HMX1: variants seen among roughly 807,000 people sequenced by gnomAD.
HMX1 encodes homeobox protein HMX1.
Under a neutral mutation model 8.9 loss-of-function variants are expected in HMX1, and 8 were observed. The observed-to-expected ratio is 0.90, with a 90% confidence interval of 0.53 to 1.63. HMX1 has a LOEUF of 1.63. Among genes scored for constraint, HMX1 ranks in the 40% most tolerant of loss-of-function variants. The probability of loss-of-function intolerance (pLI) is 0.00; values close to 1 mark genes in which losing one functional copy is unlikely to be tolerated. For missense variants in HMX1, 621 were observed against 558.5 expected (o/e 1.11, Z -1.13); for synonymous variants, 311 against 283.4 (o/e 1.10, Z -0.98).
At chr4:8,862,070 G>A (rs1437633570), downstream of HMX1, among the ~76,000 whole-genome samples, 2 of 152,246 alleles carry the variant, frequency 1.3e-5, no homozygotes, top group Non-Finnish European at 1.5e-5. Context: ...GCGACGCCCC[G>A]GCGCCAGGTG....
intron 1 of HMX1, among the ~76,000 whole-genome samples, chr4:8,857,428 T>G (rs1374583469): frequency 1.3e-5 from 2 of 152,116 alleles, no homozygotes; most frequent in African/African-American, 4.8e-5. Flanking sequence ...CGCTTTCTCC[T>G]TCCTCCTTCC....
Position 8,871,323 on chromosome 4 carries a change from G to T in HMX1, c.292C>A (p.Pro98Thr). 7.4e-7 allele frequency: 1 copy of T among 1,343,596 alleles called. No individual in the cohort carries two copies. The highest frequency in any genetic ancestry group is 9.5e-7 in the Non-Finnish European group (1 of 1,054,894). 83.2% of individuals were successfully genotyped at this position (1,343,596 alleles called of 1,614,324 possible). A position where few individuals can be genotyped will look rare whatever the true frequency, so the allele number is the denominator to read the frequency against. ...AAGGGCGGCCCGGGACCGGGGGGCGGCCGAGGACCGAGGCCCAGCGCGCCC... is the reference window on the plus strand; with the variant it reads ...AAGGGCGGCCCGGGACCGGGGGGCGTCCGAGGACCGAGGCCCAGCGCGCCC... ...GPGALGLGPR[P>T]PPGPGPPFAL... The change falls in exon 1 of 2, where the codon CCG (proline) becomes ACG (threonine). Residue 98 changes from proline to threonine, a missense_variant. Transcript: ENST00000400677. This position sits in a 1 kb window ranked among gnomAD's most constrained non-coding sequence, Gnocchi z 4.8.
intron 1 of HMX1, among the ~76,000 whole-genome samples, chr4:8,861,757 C>T (rs1167638549): frequency 1.3e-5 from 2 of 152,246 alleles, no homozygotes; most frequent in Admixed American, 6.5e-5. Context: ...CTGTCTGGAC[C>T]CTCAGAGCCC....
Position 8,848,004 on chromosome 4 carries a change from C to T in HMX1, c.395-1680G>A, listed in dbSNP as rs1363015409. Among the ~76,000 whole-genome samples the T allele has an allele frequency of 2.0e-5, 3 of 152,102 alleles. No individual in the cohort carries two copies. The highest frequency in any genetic ancestry group is 2.1e-4 in the South Asian group (1 of 4,814). On this transcript the variant is annotated intron_variant, in intron 1 of 1. Coordinates refer to the HMX1 transcript ENST00000506970. This position sits in a 1 kb window ranked among gnomAD's most constrained non-coding sequence, Gnocchi z 4.1. Reference sequence around the variant, plus strand: ...GGTCCAGGGTGACATCTGAGCTCAGCGAACCGAATTTTGAATCTAAAACTC... The same window carrying T: ...GGTCCAGGGTGACATCTGAGCTCAGTGAACCGAATTTTGAATCTAAAACTC...
chr4:8,846,839 C>T (rs1184723033), intron 1 of HMX1, among the ~76,000 whole-genome samples: 4 of 152,236 alleles, frequency 2.6e-5, no homozygotes, highest in Non-Finnish European at 5.9e-5. Context: ...TCTCCTCCTA[C>T]AGGCAGTCTT....
In HMX1 at chr4:8,853,331, C is replaced by A. The variant is rs560022441; in HGVS notation, c.395-7007G>T. On this transcript the variant is annotated intron_variant, in intron 1 of 1. Transcript: ENST00000506970. The surrounding 1 kb of genome is among the most constrained non-coding windows in gnomAD (Gnocchi z 4.7). ...CTTTGCTGTAACTAAATTGTCCTCA[C>A]CTGACCATCACAGCCCCATTCCAGG... 4.1e-4 allele frequency among the ~76,000 whole-genome samples: 63 copies of A among 152,290 alleles called. No homozygotes were observed. Among genetic ancestry groups the A allele is most frequent in the African/African-American group, 1.5e-3 (62 of 41,548 alleles).
chr4:8,863,526 C>CACCT, downstream of HMX1, among the ~76,000 whole-genome samples: 1 of 152,376 alleles, frequency 6.6e-6, no homozygotes, highest in East Asian at 1.9e-4. Context: ...CCCTCCCCTG[C>CACCT]ACCTGATGAG....
At chr4:8,855,626 C>G (rs28570589) in intron 1 of HMX1, among the ~76,000 whole-genome samples, 7,932 of 152,216 alleles carry the variant, frequency 0.052, 702 homozygotes, top group African/African-American at 0.18. Flanking sequence ...GTCAAGGATT[C>G]ACCCTCCAGG....
chr4:8,850,013 C>T (rs759605019), intron 1 of HMX1, among the ~76,000 whole-genome samples: 5 of 152,150 alleles, frequency 3.3e-5, no homozygotes, highest in Non-Finnish European at 7.4e-5. Flanking sequence ...TCCCACAGCC[C>T]CACAACCCCC....
chr4:8,847,539 C>T lies in HMX1; in HGVS notation c.395-1215G>A, dbSNP rs571790777. ...GCACAACTCCTGTCCCGAGAGCAGG[C>T]GGACCTGAAGGAACATCGGCCAGAC... On this transcript the variant is annotated intron_variant, in intron 1 of 1. Coordinates refer to the HMX1 transcript ENST00000506970. The surrounding 1 kb of genome is among the most constrained non-coding windows in gnomAD (Gnocchi z 6.0). 3.3e-5 allele frequency among the ~76,000 whole-genome samples: 5 copies of T among 152,302 alleles called. No individual in the cohort carries two copies. Among genetic ancestry groups the T allele is most frequent in the South Asian group, 2.1e-4 (1 of 4,824 alleles).
rs61745347 is a variant in HMX1 at position 8,871,251 on chromosome 4, C to T, written c.364G>A (p.Gly122Ser). The change falls in exon 1 of 2, where the codon GGT becomes AGT. Residue 122 changes from glycine (G) to serine (S), a missense_variant. By Grantham distance (56) the Gly-to-Ser change is moderately conservative. Coordinates refer to ENST00000400677, the MANE Select transcript of HMX1 (RefSeq NM_018942.3). The surrounding 1 kb of genome is among the most constrained non-coding windows in gnomAD (Gnocchi z 4.8). ...GGACTGAGGCCGCCTCCATAGCCAC[C>T]GTGCGCCCGTGGGTACCAGCGCGCT... ...GAARWYPRAH[G>S]GYGGGLSPDT... is the part of the protein sequence containing the mutation. 0.084 allele frequency: 124,045 copies of T among 1,485,148 alleles called. 6,242 individuals carry two copies. Among genetic ancestry groups the T allele is most frequent in the African/African-American group, 0.23 (15,491 of 68,332 alleles). 92.0% of individuals were successfully genotyped at this position (1,485,148 alleles called of 1,614,324 possible). A position where few individuals can be genotyped will look rare whatever the true frequency, so the allele number is the denominator to read the frequency against.
Position 8,871,128 on chromosome 4 carries a change from A to G in HMX1, c.394+93T>C, listed in dbSNP as rs998535640. ...CACAGAAGGGAGAGGATGGCCCAGA[A>G]CGGGCGGCGACGAGCCCGAAGTCCC... On this transcript the variant is annotated intron_variant, in intron 1 of 1. Transcript: ENST00000400677. The surrounding 1 kb of genome is among the most constrained non-coding windows in gnomAD (Gnocchi z 4.8). 5.4e-5 allele frequency: 65 copies of G among 1,208,986 alleles called. No individual in the cohort carries two copies. The highest frequency in any genetic ancestry group is 3.4e-4 in the Middle Eastern group (1 of 2,948). The allele number at this position is 1,208,986 out of a possible 1,614,324, so 74.9% of individuals were successfully genotyped here. A position where few individuals can be genotyped will look rare whatever the true frequency, so the allele number is the denominator to read the frequency against.
chr4:8,846,098 T>C (rs1721266424), exon 2 of HMX1: 4 of 624,142 alleles, frequency 6.4e-6, no homozygotes, highest in Non-Finnish European at 1.1e-5. Context: ...CTAAGGTTTA[T>C]TTCTTGCTCA....
rs552110247 is a variant in HMX1 at position 8,867,178 on chromosome 4, G to C, written c.*515C>G. ...CCTGGAACGGACGATGGGACCCACA[G>C]GTCCAGGGTCCTTTCTCCACCAGCA... On this transcript the variant is annotated 3_prime_UTR_variant, in exon 2 of 2. Coordinates refer to ENST00000400677, the MANE Select transcript of HMX1 (RefSeq NM_018942.3). 1.0e-6 allele frequency: 1 copy of C among 985,618 alleles called. No individual in the cohort carries two copies. The highest frequency in any genetic ancestry group is 1.2e-6 in the Non-Finnish European group (1 of 830,030). The allele number at this position is 985,618 out of a possible 1,614,324, so 61.1% of individuals were successfully genotyped here.
rs1042206831 is a variant in HMX1 at position 8,848,452 on chromosome 4, AT to A, written c.395-2129del. 2.6e-5 allele frequency among the ~76,000 whole-genome samples: 4 copies of A among 152,176 alleles called. No homozygotes were observed. The highest frequency in any genetic ancestry group is 9.7e-5 in the African/African-American group (4 of 41,434). On this transcript the variant is annotated intron_variant, in intron 1 of 1. Transcript: ENST00000506970. The surrounding 1 kb of genome is among the most constrained non-coding windows in gnomAD (Gnocchi z 4.1). ...ATAAAGAGTTTGCGGAAATTTTATG[AT>A]TGTTTTTTACTCATCTAGGCAGAGT...
intron 1 of HMX1, among the ~76,000 whole-genome samples, chr4:8,850,723 C>T (rs948235079): frequency 2.6e-5 from 4 of 152,256 alleles, no homozygotes; most frequent in Admixed American, 1.3e-4. Flanking sequence ...CCAGTGTTAG[C>T]GCCTGCCCTT....
In HMX1 at chr4:8,856,654, T is replaced by G. The variant is rs573746168; in HGVS notation, c.395-10330A>C. 3.2e-4 allele frequency among the ~76,000 whole-genome samples: 49 copies of G among 152,334 alleles called. No individual in the cohort carries two copies. In the Middle Eastern group the frequency reaches 0.01, roughly 32 times the overall value. ...TTGCACTCTTAAATTTGTGCTTTTC[T>G]CCCTAAGTACATTCACTTCCCATTT... is the stretch of plus-strand genomic sequence containing the variant. On this transcript the variant is annotated intron_variant, in intron 1 of 1. Coordinates refer to the HMX1 transcript ENST00000506970.
intron 1 of HMX1, among the ~76,000 whole-genome samples, chr4:8,852,523 C>T (rs1408281988): frequency 6.6e-6 from 1 of 152,250 alleles, no homozygotes; most frequent in East Asian, 1.9e-4. Context: ...CTCTGCACCA[C>T]GCTGCCTCAC....
chr4:8,859,642 C>T (rs1553815714), intron 1 of HMX1, among the ~76,000 whole-genome samples: 3 of 152,304 alleles, frequency 2.0e-5, no homozygotes, highest in Non-Finnish European at 1.5e-5. Flanking sequence ...CTCATCTCCT[C>T]GCCCTGTCAT....
Sources: allele counts gnomAD v4.1 joint callset (sites outside exome capture counted in the v4.1 genomes callset), GRCh38; gene constraint gnomAD v4.1.1; non-coding constraint Gnocchi (gnomAD v3.1); transcripts MANE v1.5; gene names NCBI Gene and HGNC (gene_info 2026-07-23, HGNC 2026-07-21).